The following ASAP1 variants were observed in gnomAD, a reference collection of about 807,000 sequenced individuals.
ASAP1 encodes the protein ArfGAP with SH3 domain, ankyrin repeat and PH domain 1.
Under a neutral mutation model 145.2 loss-of-function variants are expected in ASAP1, and 43 were observed. That is an observed-to-expected ratio of 0.30 (90% CI 0.23 to 0.38). The LOEUF is 0.38. ASAP1 is among the 10% of genes least tolerant of loss of function. ASAP1 has a pLI of 1.00. For synonymous variants in ASAP1, 546 were observed against 515.5 expected (o/e 1.06, Z -0.80); for missense variants, 1,018 against 1,355.3 (o/e 0.75, Z 3.91).
intron 3 of ASAP1, among the ~76,000 whole-genome samples, chr8:130,353,889 G>A (rs1156786438): frequency 4.6e-5 from 7 of 151,860 alleles, no homozygotes; most frequent in Admixed American, 4.6e-4. Context: ...AGAAGGGAGT[G>A]AGATTTTTTT....
intron 13 of ASAP1, among the ~76,000 whole-genome samples, chr8:130,144,324 A>G: frequency 6.6e-6 from 1 of 152,250 alleles, no homozygotes; most frequent in East Asian, 1.9e-4. Context: ...CTAAACTGCC[A>G]GATACATTAT....
intron 29 of ASAP1, among the ~76,000 whole-genome samples, chr8:130,056,763 G>A (rs1484328354): frequency 6.6e-6 from 1 of 152,248 alleles, no homozygotes; most frequent in African/African-American, 2.4e-5. Flanking sequence ...CTTCCTGGCA[G>A]ACAGAACTGA....
intron 1 of ASAP1, among the ~76,000 whole-genome samples, chr8:130,408,784 A>G (rs568025413): frequency 6.6e-6 from 1 of 152,362 alleles, no homozygotes; most frequent in South Asian, 2.1e-4. Flanking sequence ...GAGGCTCACC[A>G]AAGTTACATA....
At chr8:130,312,391 C>T (rs1220721712) in intron 3 of ASAP1, among the ~76,000 whole-genome samples, 3 of 151,940 alleles carry the variant, frequency 2.0e-5, no homozygotes, top group Non-Finnish European at 4.4e-5. Context: ...AGCTTGAACA[C>T]AAACCAGACG....
chr8:130,054,894 C>A, intron 29 of ASAP1, 89 bp from the exon 30 acceptor site: 1 of 1,011,992 alleles, frequency 9.9e-7, no homozygotes, highest in Non-Finnish European at 1.6e-6. Context: ...GCCTAGTCTG[C>A]CCACAGACCT....
intron 3 of ASAP1, among the ~76,000 whole-genome samples, chr8:130,303,153 G>C (rs1301135470): frequency 6.6e-6 from 1 of 152,214 alleles, no homozygotes; most frequent in African/African-American, 2.4e-5. Flanking sequence ...TTTACTAGCA[G>C]AATGACAGGA....
intron 27 of ASAP1, among the ~76,000 whole-genome samples, chr8:130,072,040 G>A (rs1431032391): frequency 6.6e-6 from 1 of 152,156 alleles, no homozygotes; most frequent in Non-Finnish European, 1.5e-5. Flanking sequence ...CCCAAGGCAG[G>A]ACTCTATTCC....
At chr8:130,320,694 A>G (rs905579669) in intron 3 of ASAP1, among the ~76,000 whole-genome samples, 3 of 152,194 alleles carry the variant, frequency 2.0e-5, no homozygotes, top group Non-Finnish European at 4.4e-5. Context: ...ACAACCAGGA[A>G]GAAGTATCAT....
At chr8:130,355,099 G>A (rs559298359) in intron 3 of ASAP1, among the ~76,000 whole-genome samples, 7 of 152,158 alleles carry the variant, frequency 4.6e-5, no homozygotes, top group African/African-American at 1.4e-4. Flanking sequence ...GGCTGGTCTC[G>A]AACTCCTGAC....
At chr8:130,093,666 C>CAAAAGAAAA in intron 24 of ASAP1, among the ~76,000 whole-genome samples, 1 of 52,210 alleles carries the variant, frequency 1.9e-5, no homozygotes, top group Non-Finnish European at 3.4e-5. Context: ...GACTCCGTCT[C>CAAAAGAAAA]AAAAAAAAAA....
intron 10 of ASAP1, among the ~76,000 whole-genome samples, chr8:130,168,252 G>A (rs2097684046): frequency 6.6e-6 from 1 of 151,872 alleles, no homozygotes; most frequent in African/African-American, 2.4e-5. Flanking sequence ...TGATTTTTGG[G>A]CAACAACTTT....
intron 3 of ASAP1, among the ~76,000 whole-genome samples, chr8:130,274,367 G>C (rs1820755128): frequency 6.6e-6 from 1 of 152,166 alleles, no homozygotes; most frequent in Admixed American, 6.5e-5. Context: ...GGGAAGTTTT[G>C]TTTTGGAGGA....
intron 27 of ASAP1, among the ~76,000 whole-genome samples, chr8:130,074,515 G>A (rs1417472458): frequency 6.6e-6 from 1 of 151,892 alleles, no homozygotes; most frequent in Non-Finnish European, 1.5e-5. Context: ...GCAACGGGGT[G>A]GTGGTAGGAG....
chr8:130,112,038 G>T, intron 24 of ASAP1, 56 bp downstream of exon 24: 3 of 1,495,008 alleles, frequency 2.0e-6, no homozygotes, highest in African/African-American at 1.4e-5. Context: ...CAGCTCTGAG[G>T]ATGGAGTCAC....
intron 11 of ASAP1, among the ~76,000 whole-genome samples, chr8:130,166,553 T>C (rs1160234427): frequency 1.3e-5 from 2 of 152,120 alleles, no homozygotes; most frequent in African/African-American, 2.4e-5. Context: ...CTGGGTCTTG[T>C]AGGTTTCTGT....
intron 7 of ASAP1, among the ~76,000 whole-genome samples, chr8:130,183,132 C>T (rs1341506671): frequency 2.6e-5 from 4 of 152,030 alleles, no homozygotes; most frequent in Non-Finnish European, 4.4e-5. Context: ...ATGCACATAC[C>T]GTGGCACTTG....
At chr8:130,280,329 G>A (rs1267673674) in intron 3 of ASAP1, among the ~76,000 whole-genome samples, 1 of 152,214 alleles carries the variant, frequency 6.6e-6, no homozygotes. Context: ...TTTAAAAGTG[G>A]TGTGTGATAT....
At chr8:130,127,668 C>T (rs2097577084) in intron 16 of ASAP1, among the ~76,000 whole-genome samples, 1 of 152,102 alleles carries the variant, frequency 6.6e-6, no homozygotes, top group South Asian at 2.1e-4. Flanking sequence ...GTCCATGGTG[C>T]TTATATACCT....
intron 1 of ASAP1, among the ~76,000 whole-genome samples, chr8:130,416,421 A>G (rs1027978883): frequency 3.9e-5 from 6 of 152,234 alleles, no homozygotes; most frequent in Non-Finnish European, 8.8e-5. Context: ...CCTCATGCCA[A>G]GACTTTCTGG....
Sources: allele counts gnomAD v4.1 joint callset (sites outside exome capture counted in the v4.1 genomes callset), GRCh38; gene constraint gnomAD v4.1.1; transcripts MANE v1.5; gene names NCBI Gene and HGNC (gene_info 2026-07-23, HGNC 2026-07-21).